SLC8B1: variants seen among roughly 807,000 people sequenced by gnomAD.
SLC8B1 encodes mitochondrial sodium/calcium exchanger protein.
SLC8B1 carries 52 observed loss-of-function variants against 63.4 expected under a neutral mutation model. The ratio of observed to expected loss-of-function variants is 0.82; its 90% confidence interval spans 0.66 to 1.03. The LOEUF is 1.03. SLC8B1 is among the 50% of genes least tolerant of loss of function. The probability of loss-of-function intolerance (pLI) is 0.00; values close to 1 mark genes in which losing one functional copy is unlikely to be tolerated. For synonymous variants in SLC8B1, 336 were observed against 323.9 expected (o/e 1.04, Z -0.40); for missense variants, 657 against 741.7 (o/e 0.89, Z 1.33).
At chr12:113,334,163 C>T (rs965562513) in intron 1 of SLC8B1, among the ~76,000 whole-genome samples, 1 of 152,206 alleles carries the variant, frequency 6.6e-6, no homozygotes, top group Non-Finnish European at 1.5e-5. Flanking sequence ...TGTGCCTCTT[C>T]CCTCAAGACC....
At chr12:113,324,243 G>A (rs1003170912) in intron 2 of SLC8B1, among the ~76,000 whole-genome samples, 41 of 151,500 alleles carry the variant, frequency 2.7e-4, no homozygotes, top group Non-Finnish European at 1.8e-4. Context: ...AGTCTGGGAG[G>A]TTGAGGCTGC....
chr12:113,312,169 C>A (rs889800588), intron 11 of SLC8B1, among the ~76,000 whole-genome samples: 1 of 151,998 alleles, frequency 6.6e-6, no homozygotes. Context: ...TGCGGTGGCT[C>A]ACACCTATAA....
At position 113,330,719 on chromosome 12, in the gene SLC8B1, G is replaced by C. The variant is rs569361406; in HGVS notation, c.156+2004C>G. Among the ~76,000 whole-genome samples, 5 of 152,228 alleles carry C rather than the reference G, an allele frequency of 3.3e-5. No individual in the cohort carries two copies. The South Asian group carries it at 1.0e-3, about 32-fold the overall frequency. On this transcript the variant is annotated intron_variant, in intron 2 of 15. Transcript: ENST00000680972. ...ATCTGTAAAATGGGCTTAATTGCCT[G>C]TTGCCTGTTTCACAGGGTGGACTTG...
chr12:113,326,738 A>C (rs1957001466), intron 2 of SLC8B1, among the ~76,000 whole-genome samples: 1 of 150,706 alleles, frequency 6.6e-6, no homozygotes, highest in Admixed American at 6.6e-5. Flanking sequence ...GTGCAGAAGC[A>C]TGATTATAGC....
chr12:113,311,721 T>TTA (rs1566230029), intron 11 of SLC8B1, among the ~76,000 whole-genome samples: 6 of 94,586 alleles, frequency 6.3e-5, no homozygotes, highest in African/African-American at 2.1e-4. Flanking sequence ...TTTTTTTTTT[T>TTA]TAGACAGGGT....
At chr12:113,322,215 C>T (rs762862269) in intron 2 of SLC8B1, among the ~76,000 whole-genome samples, 3 of 152,096 alleles carry the variant, frequency 2.0e-5, no homozygotes, top group South Asian at 2.1e-4. Context: ...TTACTCTGCA[C>T]AACAGTCTGC....
intron 2 of SLC8B1, 140 bp downstream of exon 2, chr12:113,332,583 G>T: frequency 9.9e-7 from 1 of 1,014,880 alleles, no homozygotes; most frequent in South Asian, 1.7e-5. Flanking sequence ...CTTCTTGAGA[G>T]TAGTGAATTT....
intron 2 of SLC8B1, among the ~76,000 whole-genome samples, chr12:113,329,647 A>G (rs1284046628): frequency 2.6e-5 from 4 of 152,110 alleles, no homozygotes; most frequent in Non-Finnish European, 5.9e-5. Context: ...GGAGGGAAGG[A>G]GTGACTTCAC....
chr12:113,317,189 T>C (rs2136846117), intron 8 of SLC8B1, among the ~76,000 whole-genome samples, 188 bp from the exon 9 acceptor site: 1 of 152,202 alleles, frequency 6.6e-6, no homozygotes, highest in South Asian at 2.1e-4. Context: ...AGCCTAGACC[T>C]CCTGGGCTCA....
At chr12:113,311,221 C>T (rs914082461) in intron 11 of SLC8B1, among the ~76,000 whole-genome samples, 2 of 152,144 alleles carry the variant, frequency 1.3e-5, no homozygotes, top group Non-Finnish European at 2.9e-5. Flanking sequence ...GAAGCTGAGG[C>T]GGGTGGATCA....
At position 113,299,921 on chromosome 12, in the gene SLC8B1, G is replaced by A. The variant is rs765571563; in HGVS notation, c.1611C>T (p.Ser537=). 6.2e-7 allele frequency: 1 copy of A among 1,614,072 alleles called. No homozygotes were observed. Among genetic ancestry groups the A allele is most frequent in the Admixed American group, 1.7e-5 (1 of 60,028 alleles). The change falls in exon 16 of 16, where the codon AGC becomes AGT. Residue 537 remains serine (S), a synonymous_variant. Transcript: ENST00000680972. ...GGACTGAGACCAGGGAGAAGACGAG[G>A]CTGAGCCCCAGGGCGCCTGCCAGGA... The part of the protein sequence containing the change: ...VWVLAGALGL[S]LVFSLVSVPL...
Position 113,307,690 on chromosome 12 carries a change from C to G in SLC8B1, c.1411+1G>C, listed in dbSNP as rs776231958. On this transcript the variant is annotated splice_donor_variant, in intron 13 of 15. Coordinates refer to ENST00000680972, the MANE Select transcript of SLC8B1 (RefSeq NM_001358345.2). LOFTEE classifies it high-confidence loss of function. ...CTCAACCCCACCCAGCCCTGAGTCA[C>G]CTCCAATGCTGTTCCCCCAGGCCAG... The G allele has an allele frequency of 6.2e-6, 10 of 1,613,224 alleles. No homozygotes were observed. The highest frequency in any genetic ancestry group is 8.5e-6 in the Non-Finnish European group (10 of 1,179,680).
rs1334072458 is a variant in SLC8B1 at position 113,320,826 on chromosome 12, G to A, written c.420+24C>T. ...CCCACAACTGCCCTCCCTCCAGGGTGCAGGACACTGGACAAAAGGATACTG... is the reference window on the plus strand; with the variant it reads ...CCCACAACTGCCCTCCCTCCAGGGTACAGGACACTGGACAAAAGGATACTG... On this transcript the variant is annotated intron_variant, in intron 5 of 15. Coordinates refer to ENST00000680972, the MANE Select transcript of SLC8B1 (RefSeq NM_001358345.2). The surrounding 1 kb of genome is among the most constrained non-coding windows in gnomAD (Gnocchi z 5.3). The A allele has an allele frequency of 1.3e-6, 2 of 1,595,080 alleles. No homozygotes were observed. The highest frequency in any genetic ancestry group is 8.5e-7 in the Non-Finnish European group (1 of 1,172,158).
intron 15 of SLC8B1, among the ~76,000 whole-genome samples, chr12:113,300,732 C>A (rs559407729): frequency 1.3e-5 from 2 of 152,324 alleles, no homozygotes; most frequent in Non-Finnish European, 2.9e-5. Flanking sequence ...CTCTCCCCTG[C>A]CTCGAGTCAG....
intron 12 of SLC8B1, chr12:113,308,664 TC>T (rs1956711848): frequency 6.6e-6 from 1 of 152,184 alleles, no homozygotes; most frequent in Non-Finnish European, 1.5e-5. Context: ...TCAAGGGTGA[TC>T]CATGTTGTGG....
At position 113,320,779 on chromosome 12, in the gene SLC8B1, C is replaced by A. The variant is rs1956915623; in HGVS notation, c.420+71G>T. The A allele has an allele frequency of 8.3e-6, 13 of 1,575,598 alleles. No individual in the cohort carries two copies. In the East Asian group the frequency reaches 2.7e-4, roughly 33 times the overall value. Reference sequence around the variant, plus strand: ...CCCAGCTTCCCCACACGGGGATAGACATGACCCTATCTCCCAGCCTCCCCA... The same window carrying A: ...CCCAGCTTCCCCACACGGGGATAGAAATGACCCTATCTCCCAGCCTCCCCA... On this transcript the variant is annotated intron_variant, in intron 5 of 15. Coordinates refer to ENST00000680972, the MANE Select transcript of SLC8B1 (RefSeq NM_001358345.2). This position sits in a 1 kb window ranked among gnomAD's most constrained non-coding sequence, Gnocchi z 5.3.
At chr12:113,326,907 C>G (rs1449870385) in intron 2 of SLC8B1, among the ~76,000 whole-genome samples, 1 of 152,140 alleles carries the variant, frequency 6.6e-6, no homozygotes, top group East Asian at 1.9e-4. Flanking sequence ...ACATCCCAAC[C>G]CAGGCTTGGG....
chr12:113,300,731 G>A (rs540994787), intron 15 of SLC8B1, among the ~76,000 whole-genome samples: 2 of 152,254 alleles, frequency 1.3e-5, no homozygotes, highest in Non-Finnish European at 2.9e-5. Flanking sequence ...CCTCTCCCCT[G>A]CCTCGAGTCA....
At chr12:113,324,397 T>C in intron 2 of SLC8B1, among the ~76,000 whole-genome samples, 1 of 146,564 alleles carries the variant, frequency 6.8e-6, no homozygotes, top group African/African-American at 2.5e-5. Flanking sequence ...GCCACTCAGC[T>C]CTACCTTTTT....
Sources: gnomAD v4.1 joint callset for allele counts (sites outside exome capture counted in the v4.1 genomes callset) on GRCh38, gnomAD v4.1.1 for gene constraint, Gnocchi (gnomAD v3.1) non-coding constraint, MANE v1.5 for transcripts, NCBI Gene and HGNC (gene_info 2026-07-23, HGNC 2026-07-21) for gene names.